Variants in FHAD1 observed in about 807,000 individuals in gnomAD.
FHAD1 encodes the protein forkhead associated phosphopeptide binding domain 1.
In FHAD1, 146 loss-of-function variants were observed where a neutral mutation model predicts 191.3. The observed-to-expected ratio is 0.76, with a 90% CI of 0.67 to 0.88. FHAD1 has a LOEUF of 0.88. Among genes scored for constraint, FHAD1 ranks in the 40% least tolerant of loss-of-function variants. The pLI is 0.00. For missense variants in FHAD1, 1,635 were observed against 1,785.8 expected, an observed-to-expected ratio of 0.92 and a Z score of 1.52; for synonymous variants, 616 against 672.3, an observed-to-expected ratio of 0.92 and a Z score of 1.29.
chr1:15,336,528 CT>C (rs1358140015), intron 14 of FHAD1, among the ~76,000 whole-genome samples: 6 of 152,152 alleles, frequency 3.9e-5, no homozygotes, highest in South Asian at 4.1e-4. Flanking sequence ...ACAAATTCTT[CT>C]TTCTTTGGCG....
intron 6 of FHAD1, among the ~76,000 whole-genome samples, chr1:15,306,117 C>A (rs867279410): frequency 6.6e-6 from 1 of 152,120 alleles, no homozygotes; most frequent in East Asian, 1.9e-4. Flanking sequence ...AGGTGGTCTC[C>A]GATGGAGATG....
chr1:15,270,142 C>T (rs1362951456), intron 2 of FHAD1, among the ~76,000 whole-genome samples: 1 of 152,100 alleles, frequency 6.6e-6, no homozygotes, highest in African/African-American at 2.4e-5. Flanking sequence ...AACTCCTGAC[C>T]TCAGGGGATC....
At chr1:15,383,013 C>T (rs1044781116) in intron 31 of FHAD1, 1 of 453,202 alleles carries the variant, frequency 2.2e-6, no homozygotes, top group African/African-American at 2.0e-5. Flanking sequence ...CACACACACA[C>T]ACGCGCACGC....
At chr1:15,372,400 A>G (rs1698359843) in intron 26 of FHAD1, among the ~76,000 whole-genome samples, 1 of 152,150 alleles carries the variant, frequency 6.6e-6, no homozygotes, top group Non-Finnish European at 1.5e-5. Flanking sequence ...GGAAGAACAA[A>G]CAGATGTCTC....
chr1:15,329,319 G>T lies in FHAD1; in HGVS notation c.1711-27G>T, dbSNP rs1558128783. The T allele has an allele frequency of 6.6e-7, 1 of 1,517,964 alleles. No homozygotes were observed. The highest frequency in any genetic ancestry group is 1.4e-5 in the African/African-American group (1 of 72,374). The allele number at this position is 1,517,964 out of a possible 1,614,324, so 94.0% of individuals were successfully genotyped here. A position where few individuals can be genotyped will look rare whatever the true frequency, so the allele number is the denominator to read the frequency against. ...GGCTATTTCTGGCCACAGGGCCTGG[G>T]CTCCTCATGATCTCACCTCTTTGCA... On this transcript the variant is annotated intron_variant, in intron 13 of 33. Coordinates refer to ENST00000688493, the MANE Select transcript of FHAD1 (RefSeq NM_001391957.1). The surrounding 1 kb of genome is among the most constrained non-coding windows in gnomAD (Gnocchi z 5.0).
At chr1:15,350,385 G>T (rs1027500277) in intron 19 of FHAD1, among the ~76,000 whole-genome samples, 1 of 152,272 alleles carries the variant, frequency 6.6e-6, no homozygotes, top group African/African-American at 2.4e-5. Flanking sequence ...GAACTGGAAG[G>T]GAAAAGGAGC....
At chr1:15,372,330 T>TA (rs1295406842) in intron 26 of FHAD1, among the ~76,000 whole-genome samples, 4 of 152,186 alleles carry the variant, frequency 2.6e-5, no homozygotes, top group Admixed American at 6.5e-5. Context: ...GCAGTGTGGC[T>TA]AGCACAGGGC....
At chr1:15,308,778 C>G in intron 7 of FHAD1, 42 bp downstream of exon 7, 1 of 1,550,356 alleles carries the variant, frequency 6.5e-7, no homozygotes, top group Non-Finnish European at 8.7e-7. Flanking sequence ...CACTCCCGCA[C>G]CCGTTGTTCT....
At chr1:15,389,386 C>A (rs942443613) in intron 32 of FHAD1, among the ~76,000 whole-genome samples, 21 of 141,594 alleles carry the variant, frequency 1.5e-4, no homozygotes, top group African/African-American at 5.7e-4. Context: ...TTCAAGGTTG[C>A]GATGAGCCAC....
At chr1:15,330,695 G>A (rs1191059690) in intron 14 of FHAD1, among the ~76,000 whole-genome samples, 2 of 152,192 alleles carry the variant, frequency 1.3e-5, no homozygotes, top group Non-Finnish European at 2.9e-5. Flanking sequence ...CTGAGTACAG[G>A]AGCAGCGTGG....
chr1:15,363,235 C>T (rs1695383410), intron 23 of FHAD1, among the ~76,000 whole-genome samples: 1 of 152,148 alleles, frequency 6.6e-6, no homozygotes, highest in Admixed American at 6.5e-5. Context: ...GGTCTCCCTG[C>T]CTCTTTTTAT....
intron 19 of FHAD1, among the ~76,000 whole-genome samples, chr1:15,349,765 A>T (rs1690175057): frequency 6.6e-6 from 1 of 152,222 alleles, no homozygotes; most frequent in Admixed American, 6.5e-5. Flanking sequence ...ATGGACGAGA[A>T]GATGGGCACC....
At chr1:15,271,376 C>T (rs983447057) in intron 2 of FHAD1, among the ~76,000 whole-genome samples, 7 of 152,172 alleles carry the variant, frequency 4.6e-5, no homozygotes, top group Non-Finnish European at 1.0e-4. Context: ...TCCCTTCATC[C>T]CTCCAGGGCC....
At chr1:15,399,941 G>A (rs115239357), downstream of FHAD1, 1,998 of 152,294 alleles carry the variant, frequency 0.013, 16 homozygotes, top group Non-Finnish European at 0.015. Context: ...TGATTTTCCC[G>A]CCTCCCTTGC....
At chr1:15,278,475 C>CTTTTTTTTTTTTTTTTTTTTT (rs34110532) in intron 3 of FHAD1, among the ~76,000 whole-genome samples, 6 of 124,330 alleles carry the variant, frequency 4.8e-5, no homozygotes, top group African/African-American at 1.3e-4. Context: ...TTCATTACCT[C>CTTTTTTTTTTTTTTTTTTTTT]TTTTTTTTTT....
intron 25 of FHAD1, among the ~76,000 whole-genome samples, chr1:15,368,919 A>G (rs1697315156): frequency 1.3e-5 from 2 of 152,016 alleles, no homozygotes; most frequent in Admixed American, 1.3e-4. Context: ...GCCTGGGTGG[A>G]AGAACAAGAA....
chr1:15,360,570 G>A lies in FHAD1; in HGVS notation c.2829G>A (p.Glu943=), dbSNP rs776643890. 6.4e-7 allele frequency: 1 copy of A among 1,552,106 alleles called. No individual in the cohort carries two copies. The highest frequency in any genetic ancestry group is 8.7e-7 in the Non-Finnish European group (1 of 1,147,082). The change falls in exon 22 of 34, where the codon GAG becomes GAA. Residue 943 remains glutamate, a synonymous_variant. Transcript: ENST00000688493. The stretch of plus-strand genomic sequence containing the variant: ...CACAGAGACACGGGTTTGAAGAAGA[G>A]ATCATGGAATATAAGGAGCAAATCA... The part of the protein sequence containing the change: ...QESQRHGFEE[E]IMEYKEQIKQ...
chr1:15,319,426 C>A (rs563931577), intron 10 of FHAD1, among the ~76,000 whole-genome samples: 3 of 152,086 alleles, frequency 2.0e-5, no homozygotes, highest in Non-Finnish European at 4.4e-5. Flanking sequence ...TAAGACTATA[C>A]AAAGTAAAAT....
At chr1:15,374,451 A>C in intron 26 of FHAD1, 51 bp from the exon 27 acceptor site, 1 of 1,545,626 alleles carries the variant, frequency 6.5e-7, no homozygotes, top group Non-Finnish European at 8.8e-7. Context: ...TGAATGTAAG[A>C]GAAATCTTCT....
Sources: gnomAD v4.1 joint callset for allele counts (sites outside exome capture counted in the v4.1 genomes callset) on GRCh38, gnomAD v4.1.1 for gene constraint, Gnocchi (gnomAD v3.1) non-coding constraint, MANE v1.5 for transcripts, NCBI Gene and HGNC (gene_info 2026-07-23, HGNC 2026-07-21) for gene names.